Variants in KAT6A observed in about 807,000 individuals in gnomAD.
The protein encoded by KAT6A is histone acetyltransferase KAT6A.
KAT6A carries 9 observed loss-of-function variants against 198.4 expected under a neutral mutation model. That is an observed-to-expected ratio of 0.05 (90% CI 0.03 to 0.08). The LOEUF (loss-of-function observed/expected upper bound fraction) is 0.08, where lower values mean the gene tolerates loss of function less well. Ranked by LOEUF, KAT6A falls within the 10% of genes least tolerant of loss-of-function variation. KAT6A has a pLI of 1.00. For missense variants in KAT6A, 2,077 were observed against 2,509.9 expected (o/e 0.83, Z 3.69); for synonymous variants, 890 against 883.0 (o/e 1.01, Z -0.14).
At chr8:41,979,811 G>A (rs746219471) in intron 5 of KAT6A, among the ~76,000 whole-genome samples, 1 of 152,192 alleles carries the variant, frequency 6.6e-6, no homozygotes, top group African/African-American at 2.4e-5. Context: ...GACGAGCCTG[G>A]CCAACATGGC....
intron 16 of KAT6A, 46 bp from the exon 17 acceptor site, chr8:41,934,913 A>G (rs1415719072): frequency 2.8e-6 from 4 of 1,443,254 alleles, no homozygotes; most frequent in Admixed American, 2.2e-5. Flanking sequence ...AAGGTCTTAC[A>G]TTTTCTAGTT....
At chr8:41,972,329 A>G (rs1262918654) in intron 8 of KAT6A, among the ~76,000 whole-genome samples, 1 of 152,236 alleles carries the variant, frequency 6.6e-6, no homozygotes, top group Non-Finnish European at 1.5e-5. Flanking sequence ...TCTGGATGCT[A>G]AATGTGGTAG....
intron 2 of KAT6A, among the ~76,000 whole-genome samples, chr8:42,024,733 CCATCCGTGTTGCTGCAAATGATAGAGTTT>C (rs1826711359): frequency 1.3e-5 from 2 of 152,146 alleles, no homozygotes; most frequent in Admixed American, 1.3e-4. Flanking sequence ...GCTTTCAGTT[CCATCCGTGTTGCTGCAAATGATAGAGTTT>C]CATTCTTTTT....
intron 2 of KAT6A, among the ~76,000 whole-genome samples, chr8:42,005,130 G>A (rs1230062119): frequency 6.6e-6 from 1 of 152,012 alleles, no homozygotes; most frequent in Non-Finnish European, 1.5e-5. Context: ...AGGAACATTT[G>A]AATTGTTTCC....
intron 2 of KAT6A, among the ~76,000 whole-genome samples, chr8:42,047,547 T>C (rs749091629): frequency 6.6e-5 from 10 of 152,082 alleles, no homozygotes; most frequent in Admixed American, 1.3e-4. Context: ...CCCAAGTAGC[T>C]AGGACTACAG....
At chr8:42,024,652 T>C (rs182199916) in intron 2 of KAT6A, among the ~76,000 whole-genome samples, 7 of 152,306 alleles carry the variant, frequency 4.6e-5, no homozygotes, top group African/African-American at 1.7e-4. Context: ...GTCAACTGTT[T>C]TTACTCCCAC....
chr8:41,954,229 A>G (rs888551438), intron 9 of KAT6A, among the ~76,000 whole-genome samples: 6 of 152,226 alleles, frequency 3.9e-5, no homozygotes, highest in East Asian at 1.9e-4. Context: ...AAAAAGATAA[A>G]TAAGTTTTAC....
At chr8:41,936,128 G>A (rs1564007010) in intron 16 of KAT6A, among the ~76,000 whole-genome samples, 2 of 152,174 alleles carry the variant, frequency 1.3e-5, no homozygotes, top group Non-Finnish European at 2.9e-5. Context: ...CAGGCATGGT[G>A]GCGTGCACCT....
intron 1 of KAT6A, among the ~76,000 whole-genome samples, chr8:42,050,998 G>T (rs1564091464): frequency 6.6e-6 from 1 of 152,156 alleles, no homozygotes; most frequent in African/African-American, 2.4e-5. Context: ...TTTTCAAAGA[G>T]CGAGAAACTT....
intron 2 of KAT6A, among the ~76,000 whole-genome samples, chr8:41,994,740 T>C (rs1455569127): frequency 6.6e-6 from 1 of 152,142 alleles, no homozygotes; most frequent in Non-Finnish European, 1.5e-5. Context: ...CACCTGTTTT[T>C]TAGGACCATA....
chr8:42,026,442 T>C (rs1826816111), intron 2 of KAT6A, among the ~76,000 whole-genome samples: 1 of 152,194 alleles, frequency 6.6e-6, no homozygotes, highest in Non-Finnish European at 1.5e-5. Context: ...CCTCCAATTT[T>C]TTTTTAATCA....
Position 41,977,258 on chromosome 8 carries a change from G to C in KAT6A, c.1113C>G (p.Ser371=), listed in dbSNP as rs754462067. The C allele has an allele frequency of 6.2e-7, 1 of 1,614,158 alleles. No homozygotes were observed. Among genetic ancestry groups the C allele is most frequent in the Non-Finnish European group, 8.5e-7 (1 of 1,180,010 alleles). ...GRGRKRKITL[S]SQSASSSSEE... ...CTGATGATGATGATGCTGATTGGCTGGAAAGAGTGATTTTTCGTTTCCTAC... is the reference window on the plus strand; with the variant it reads ...CTGATGATGATGATGCTGATTGGCTCGAAAGAGTGATTTTTCGTTTCCTAC... Residue 371 remains serine (S), a synonymous_variant, in exon 7 of 17, where the codon TCC becomes TCG. Transcript: ENST00000265713.
Position 42,049,216 on chromosome 8 carries a change from C to A in KAT6A, c.-239G>T. 5 of 498,266 alleles carry A rather than the reference C, an allele frequency of 1.0e-5. No homozygotes were observed. Among genetic ancestry groups the A allele is most frequent in the Non-Finnish European group, 1.8e-5 (5 of 283,706 alleles). 30.9% of individuals were successfully genotyped at this position (498,266 alleles called of 1,614,324 possible). On this transcript the variant is annotated 5_prime_UTR_variant, in exon 2 of 17. Coordinates refer to ENST00000265713, the MANE Select transcript of KAT6A (RefSeq NM_006766.5). ...AACTTCCCAATGAATTTCTCAATAGCACCACACATGGGTCTCGTCATAAAG... is the reference window on the plus strand; with the variant it reads ...AACTTCCCAATGAATTTCTCAATAGAACCACACATGGGTCTCGTCATAAAG...
At chr8:42,002,209 A>C (rs750409236) in intron 2 of KAT6A, among the ~76,000 whole-genome samples, 10 of 152,208 alleles carry the variant, frequency 6.6e-5, no homozygotes, top group Non-Finnish European at 1.3e-4. Context: ...TGGGTTACCC[A>C]AGTCATAAAG....
intron 2 of KAT6A, among the ~76,000 whole-genome samples, chr8:42,016,774 A>T (rs1343141120): frequency 6.6e-6 from 1 of 152,130 alleles, no homozygotes; most frequent in Non-Finnish European, 1.5e-5. Context: ...CTTTGTTCTT[A>T]ATTAGAAAAA....
intron 1 of KAT6A, among the ~76,000 whole-genome samples, chr8:42,051,520 G>T (rs868589990): frequency 4.4e-4 from 64 of 145,528 alleles, no homozygotes; most frequent in Admixed American, 9.5e-4. Context: ...GAGCGGGCTC[G>T]CCGGCTCCGC....
At chr8:42,012,928 T>C (rs1826089317) in intron 2 of KAT6A, among the ~76,000 whole-genome samples, 1 of 152,140 alleles carries the variant, frequency 6.6e-6, no homozygotes, top group Admixed American at 6.5e-5. Context: ...CCCAAATGCA[T>C]GATGCCAAAT....
chr8:42,050,915 G>C (rs974868869), intron 1 of KAT6A, among the ~76,000 whole-genome samples: 1 of 152,142 alleles, frequency 6.6e-6, no homozygotes, highest in Admixed American at 6.5e-5. Flanking sequence ...CGAGCGGCTA[G>C]AGCGAGCGCA....
At chr8:42,001,435 G>A (rs539495431) in intron 2 of KAT6A, among the ~76,000 whole-genome samples, 1 of 152,278 alleles carries the variant, frequency 6.6e-6, no homozygotes, top group Admixed American at 6.5e-5. Context: ...AGAGTAAGTG[G>A]CAGCTAGTGA....
Sources: gnomAD v4.1 joint callset for allele counts (sites outside exome capture counted in the v4.1 genomes callset) on GRCh38, gnomAD v4.1.1 for gene constraint, MANE v1.5 for transcripts, NCBI Gene and HGNC (gene_info 2026-07-23, HGNC 2026-07-21) for gene names.